Variants in CSF1R observed in about 807,000 individuals in gnomAD.
The protein encoded by CSF1R is colony stimulating factor 1 receptor.
Under a neutral mutation model 110.0 loss-of-function variants are expected in CSF1R, and 40 were observed. The observed-to-expected ratio is 0.36, with a 90% CI of 0.28 to 0.47. The LOEUF is 0.47. Among genes scored for constraint, CSF1R ranks in the 20% least tolerant of loss-of-function variants. The pLI, the probability that CSF1R is intolerant of heterozygous loss-of-function variation, is 0.99. For missense variants in CSF1R, 1,052 were observed against 1,253.0 expected (o/e 0.84, Z 2.42); for synonymous variants, 523 against 503.4 (o/e 1.04, Z -0.52).
chr5:150,070,394 C>A, intron 7 of CSF1R, 62 bp downstream of exon 7: 1 of 1,574,216 alleles, frequency 6.4e-7, no homozygotes, highest in Non-Finnish European at 8.6e-7. Context: ...CCCCAGTCAA[C>A]CCCATCCCTC....
rs957933297 is a variant in CSF1R at position 150,098,504 on chromosome 5, T to C, written c.-180-11897A>G. On this transcript the variant is annotated intron_variant, in intron 1 of 21. Coordinates refer to the CSF1R transcript ENST00000286301. ...TCCCACTGTTTCACTTGGCTTACCT[T>C]AAAAAGTAAATCTATAAATTGGACT... is the stretch of plus-strand genomic sequence containing the variant. 3.3e-5 allele frequency: 5 copies of C among 152,700 alleles called. No homozygotes were observed. In the East Asian group the frequency reaches 9.6e-4, roughly 29 times the overall value. The allele number at this position is 152,700 out of a possible 1,614,324, so 9.5% of individuals were successfully genotyped here.
chr5:150,055,112 TG>T, intron 19 of CSF1R, 124 bp downstream of exon 19: 1 of 784,002 alleles, frequency 1.3e-6, no homozygotes, highest in Non-Finnish European at 2.1e-6. Flanking sequence ...GTGTCCACTA[TG>T]GGAGAGATAA....
At chr5:150,059,202 G>T (rs552026714) in intron 14 of CSF1R, among the ~76,000 whole-genome samples, 1 of 151,998 alleles carries the variant, frequency 6.6e-6, no homozygotes, top group South Asian at 2.1e-4. Context: ...GCGCCACCAC[G>T]CCCGGCTAAT....
chr5:150,078,297 T>C, intron 3 of CSF1R, 49 bp from the exon 4 acceptor site: 2 of 1,605,954 alleles, frequency 1.2e-6, no homozygotes, highest in South Asian at 2.2e-5. Context: ...CTGAACATGA[T>C]AGAGATATTG....
At chr5:150,054,487 A>AAC (rs1284414574) in intron 19 of CSF1R, 57 bp from the exon 20 acceptor site, 6 of 1,450,518 alleles carry the variant, frequency 4.1e-6, no homozygotes, top group Non-Finnish European at 4.7e-6. Flanking sequence ...AGGGGCCATT[A>AAC]ACACACACCC....
In CSF1R at chr5:150,061,479, C is replaced by T; in HGVS notation, c.1858+12G>A. 6.6e-7 allele frequency: 1 copy of T among 1,521,006 alleles called. No individual in the cohort carries two copies. Among genetic ancestry groups the T allele is most frequent in the Non-Finnish European group, 9.0e-7 (1 of 1,111,042 alleles). The allele number at this position is 1,521,006 out of a possible 1,614,324, so 94.2% of individuals were successfully genotyped here. ...CCCCCCATCCCTTCCCTCATCCCCT[C>T]CCCTCACTCACACTTCAGCATCTTC... is the stretch of plus-strand genomic sequence containing the variant. On this transcript the variant is annotated intron_variant, in intron 12 of 20. Coordinates refer to ENST00000675795, the MANE Select transcript of CSF1R (RefSeq NM_001288705.3).
chr5:150,057,088 G>C (rs1757253118), intron 16 of CSF1R, among the ~76,000 whole-genome samples, 199 bp downstream of exon 16: 1 of 152,020 alleles, frequency 6.6e-6, no homozygotes. Context: ...GGACACAGGT[G>C]CCCAGCCCCA....
intron 5 of CSF1R, among the ~76,000 whole-genome samples, chr5:150,076,320 TCCTATCTATCTA>T (rs1384551584): frequency 3.2e-5 from 4 of 124,944 alleles, no homozygotes; most frequent in African/African-American, 1.2e-4. Flanking sequence ...TCTAAGTACT[TCCTATCTATCTA>T]TCTATCTATC....
At chr5:150,109,128 G>A (rs1429623802) in intron 1 of CSF1R, among the ~76,000 whole-genome samples, 2 of 141,872 alleles carry the variant, frequency 1.4e-5, no homozygotes, top group African/African-American at 5.1e-5. Context: ...TGACCCCAGG[G>A]CTCAGCCTGC....
intron 3 of CSF1R, among the ~76,000 whole-genome samples, 174 bp downstream of exon 3, chr5:150,079,878 A>G (rs917404279): frequency 6.6e-6 from 1 of 152,128 alleles, no homozygotes; most frequent in African/African-American, 2.4e-5. Flanking sequence ...CTGCCCCGAC[A>G]CCTTGTCAGT....
At chr5:150,058,932 A>G (rs545336494) in intron 14 of CSF1R, among the ~76,000 whole-genome samples, 1 of 152,066 alleles carries the variant, frequency 6.6e-6, no homozygotes, top group Admixed American at 6.6e-5. Flanking sequence ...ACCCTGACTC[A>G]TGTGTGACAT....
intron 1 of CSF1R, among the ~76,000 whole-genome samples, chr5:150,108,240 G>A (rs1156619599): frequency 2.0e-5 from 3 of 152,212 alleles, no homozygotes; most frequent in Non-Finnish European, 4.4e-5. Context: ...ATTTTCAGCT[G>A]AAGAATGAGG....
chr5:150,102,281 C>T (rs914294928), intron 1 of CSF1R, among the ~76,000 whole-genome samples: 36 of 152,190 alleles, frequency 2.4e-4, no homozygotes, highest in African/African-American at 7.2e-4. Flanking sequence ...CATCACCGTA[C>T]ACTTGCTGAC....
chr5:150,060,459 G>A (rs1757454299), intron 13 of CSF1R, among the ~76,000 whole-genome samples: 1 of 152,126 alleles, frequency 6.6e-6, no homozygotes, highest in South Asian at 2.1e-4. Context: ...AGGATGTGGG[G>A]CACTTGGAGT....
chr5:150,094,063 C>CAA (rs58394685), intron 1 of CSF1R, among the ~76,000 whole-genome samples: 2 of 106,340 alleles, frequency 1.9e-5, no homozygotes, highest in Admixed American at 9.6e-5. Flanking sequence ...AATTCCATCT[C>CAA]AAAAAAAAAA....
chr5:150,054,994 A>G (rs1234051488), intron 19 of CSF1R, among the ~76,000 whole-genome samples: 1 of 72,232 alleles, frequency 1.4e-5, no homozygotes, highest in Non-Finnish European at 2.4e-5. Flanking sequence ...ATGCTGTCTC[A>G]AAAAAAAAAA....
chr5:150,084,913 G>A (rs1758767678), intron 1 of CSF1R, among the ~76,000 whole-genome samples: 1 of 152,280 alleles, frequency 6.6e-6, no homozygotes, highest in South Asian at 2.1e-4. Flanking sequence ...CGGGTACACT[G>A]TGTGTGCATT....
intron 10 of CSF1R, among the ~76,000 whole-genome samples, chr5:150,064,442 A>G (rs1467567806): frequency 6.6e-6 from 1 of 152,200 alleles, no homozygotes; most frequent in Non-Finnish European, 1.5e-5. Context: ...GGAAGGGCGG[A>G]CTGCAGGTGA....
chr5:150,086,075 A>G (rs1481069518), intron 1 of CSF1R, among the ~76,000 whole-genome samples: 1 of 152,120 alleles, frequency 6.6e-6, no homozygotes, highest in Non-Finnish European at 1.5e-5. Context: ...CCTGCCCCCA[A>G]CACCTGCAAT....
Sources: gnomAD v4.1 joint callset for allele counts (sites outside exome capture counted in the v4.1 genomes callset) on GRCh38, gnomAD v4.1.1 for gene constraint, MANE v1.5 for transcripts, NCBI Gene and HGNC (gene_info 2026-07-23, HGNC 2026-07-21) for gene names.